The following USP48 variants were observed in gnomAD, a reference collection of about 807,000 sequenced individuals.
The protein encoded by USP48 is ubiquitin carboxyl-terminal hydrolase 48.
In USP48, 43 loss-of-function variants were observed where a neutral mutation model predicts 150.7. The observed-to-expected ratio is 0.29, with a 90% CI of 0.22 to 0.37. The LOEUF (loss-of-function observed/expected upper bound fraction) is 0.37, where lower values mean the gene tolerates loss of function less well. Among genes scored for constraint, USP48 ranks in the 10% least tolerant of loss-of-function variants. The probability of loss-of-function intolerance (pLI) is 1.00; values close to 1 mark genes in which losing one functional copy is unlikely to be tolerated. For missense variants in USP48, 813 were observed against 1,249.6 expected (o/e 0.65, Z 5.27); for synonymous variants, 396 against 425.9 (o/e 0.93, Z 0.86).
intron 1 of USP48, among the ~76,000 whole-genome samples, chr1:21,778,336 C>CAAA (rs2097905278): frequency 6.6e-6 from 1 of 151,938 alleles, no homozygotes; most frequent in African/African-American, 2.4e-5. Context: ...CATAAGACAC[C>CAAA]ACTTCGCACC....
chr1:21,736,178 A>G (rs375203732), intron 9 of USP48, among the ~76,000 whole-genome samples: 1 of 152,162 alleles, frequency 6.6e-6, no homozygotes, highest in Non-Finnish European at 1.5e-5. Flanking sequence ...AGGCTGAGGC[A>G]GGAAGATCAC....
chr1:21,721,068 T>A lies in USP48; in HGVS notation c.1862A>T (p.Asn621Ile), dbSNP rs2097719469. Residue 621 changes from asparagine (N) to isoleucine (I), a missense_variant, in exon 14 of 27, where the codon AAC (asparagine) becomes ATC (isoleucine). Asn to Ile is a moderately radical substitution (Grantham distance 149, BLOSUM62 -3). Coordinates refer to ENST00000308271, the MANE Select transcript of USP48 (RefSeq NM_032236.8). The stretch of plus-strand genomic sequence containing the variant: ...TAAGGTGCTACCGTTCATCTTTCCG[T>A]TGCTTTGTTCTGCATCACCATCTTG... ...DEQDGDAEQS[N>I]GKMNGSTLNK... The A allele has an allele frequency of 3.7e-6, 6 of 1,614,278 alleles. No individual in the cohort carries two copies. Among genetic ancestry groups the A allele is most frequent in the Non-Finnish European group, 5.1e-6 (6 of 1,180,042 alleles).
At chr1:21,724,159 T>A in intron 11 of USP48, 64 bp from the exon 12 acceptor site, 1 of 1,465,484 alleles carries the variant, frequency 6.8e-7, no homozygotes, top group Non-Finnish European at 9.4e-7. Flanking sequence ...AGTGATACAT[T>A]CATTTTTCTC....
At position 21,706,745 on chromosome 1, in the gene USP48, T is replaced by C; in HGVS notation, c.2087A>G (p.Lys696Arg). ...PSYKECCSQCKILEREGEENE... is the reference protein window; with the variant it reads ...PSYKECCSQCRILEREGEENE... ...CCAGATGTCAGTAGCGTTCAGTACC[T>C]TGCACTGTGAACAGCACTCTTTGTA... is the stretch of plus-strand genomic sequence containing the variant. Residue 696 changes from lysine to arginine, a missense_variant and splice_region_variant, in exon 16 of 27, where the codon AAG becomes AGG. Lys to Arg is a conservative substitution (Grantham distance 26). Transcript: ENST00000308271. 1 of 1,612,454 alleles carries C rather than the reference T, an allele frequency of 6.2e-7. No individual in the cohort carries two copies. The highest frequency in any genetic ancestry group is 8.5e-7 in the Non-Finnish European group (1 of 1,179,572).
chr1:21,724,397 C>A (rs1197184506), intron 11 of USP48: 3 of 558,296 alleles, frequency 5.4e-6, no homozygotes, highest in Non-Finnish European at 9.6e-6. Context: ...AATAGCACAG[C>A]AGAGCTTTGA....
At chr1:21,724,355 T>C in intron 11 of USP48, 1 of 594,524 alleles carries the variant, frequency 1.7e-6, no homozygotes, top group South Asian at 2.1e-5. Flanking sequence ...TTAACCACAT[T>C]CTACAAGAGG....
chr1:21,729,346 A>G (rs1432821429), intron 10 of USP48, among the ~76,000 whole-genome samples: 1 of 152,056 alleles, frequency 6.6e-6, no homozygotes, highest in African/African-American at 2.4e-5. Context: ...GAGTAAAATG[A>G]TTCAGACTCA....
intron 9 of USP48, among the ~76,000 whole-genome samples, chr1:21,730,108 A>G (rs2097753063): frequency 6.6e-6 from 1 of 152,158 alleles, no homozygotes; most frequent in Admixed American, 6.6e-5. Flanking sequence ...AAAAATCACT[A>G]TTGCCATAAG....
chr1:21,696,574 T>G (rs141508020), intron 22 of USP48, among the ~76,000 whole-genome samples: 1 of 152,332 alleles, frequency 6.6e-6, no homozygotes, highest in African/African-American at 2.4e-5. Context: ...TCAAGACATA[T>G]CTGAGTATGG....
chr1:21,701,111 A>C (rs1419914301), intron 22 of USP48, among the ~76,000 whole-genome samples: 1 of 151,280 alleles, frequency 6.6e-6, no homozygotes, highest in Admixed American at 6.6e-5. Flanking sequence ...TCCTGCCTGT[A>C]ATCTCAGCAC....
At position 21,746,533 on chromosome 1, in the gene USP48, G is replaced by T. The variant is rs2097794927; in HGVS notation, c.991+534C>A. ...AGTAAAACAGTCCTTTCTCTAGTAA[G>T]ACTCAACCTGTTTGGTAGGATGAAG... On this transcript the variant is annotated intron_variant, in intron 8 of 26. Transcript: ENST00000308271. 2.0e-5 allele frequency among the ~76,000 whole-genome samples: 3 copies of T among 152,100 alleles called. No individual in the cohort carries two copies. The South Asian group carries it at 6.2e-4, about 32-fold the overall frequency.
At chr1:21,757,984 T>C (rs1362634075) in intron 1 of USP48, among the ~76,000 whole-genome samples, 1 of 152,102 alleles carries the variant, frequency 6.6e-6, no homozygotes, top group East Asian at 1.9e-4. Context: ...CAAAACTACA[T>C]AGACAACTAC....
At chr1:21,722,801 C>A (rs1211639407) in intron 12 of USP48, among the ~76,000 whole-genome samples, 1 of 151,716 alleles carries the variant, frequency 6.6e-6, no homozygotes, top group African/African-American at 2.4e-5. Context: ...CACCACTGCA[C>A]TCCAGCCTGG....
intron 15 of USP48, among the ~76,000 whole-genome samples, chr1:21,713,405 C>T (rs1188192843): frequency 3.9e-5 from 6 of 152,132 alleles, no homozygotes; most frequent in Non-Finnish European, 7.3e-5. Context: ...CCACTGTGCC[C>T]GGCCTCTTAT....
chr1:21,695,323 C>T (rs1265072122), intron 22 of USP48, 102 bp from the exon 23 acceptor site: 3 of 1,241,410 alleles, frequency 2.4e-6, no homozygotes, highest in African/African-American at 3.1e-5. Flanking sequence ...CCTTATTGGT[C>T]CCTTAACTAT....
chr1:21,708,887 AAAAAAAAAAAAAAAAGAAAGAAAAG>A (rs1448497174), intron 15 of USP48, among the ~76,000 whole-genome samples: 2 of 54,322 alleles, frequency 3.7e-5, no homozygotes, highest in East Asian at 3.6e-4. Flanking sequence ...TCCGTCTCAA[AAAAAAAAAAAAAAAAGAAAGAAAAG>A]AAAAGAAAAG....
rs1211191243 is a variant in USP48, at chr1:21,703,972, C to A, written c.2515+290G>T. On this transcript the variant is annotated intron_variant, in intron 20 of 26. Transcript: ENST00000308271. ...TCCTGGCCTTAAGCAATCCTTCCAC[C>A]CTAGTCTCTCAAAGTATTAGGATTA... Among the ~76,000 whole-genome samples the A allele has an allele frequency of 2.6e-5, 4 of 152,264 alleles. No homozygotes were observed. The South Asian group carries it at 8.3e-4, about 32-fold the overall frequency.
At chr1:21,779,611 T>G (rs955688646) in intron 1 of USP48, among the ~76,000 whole-genome samples, 1 of 152,088 alleles carries the variant, frequency 6.6e-6, no homozygotes, top group Non-Finnish European at 1.5e-5. Context: ...TCCCACTTCT[T>G]GCTCTATAAC....
intron 1 of USP48, among the ~76,000 whole-genome samples, chr1:21,762,269 CA>C (rs762580178): frequency 4.0e-4 from 55 of 137,452 alleles, no homozygotes; most frequent in Admixed American, 5.1e-4. Flanking sequence ...AGACTCGTCT[CA>C]AAAAAAAAAA....
Sources: allele counts gnomAD v4.1 joint callset (sites outside exome capture counted in the v4.1 genomes callset), GRCh38; gene constraint gnomAD v4.1.1; transcripts MANE v1.5; gene names NCBI Gene and HGNC (gene_info 2026-07-23, HGNC 2026-07-21).